The following FARP2 variants were observed in gnomAD, a reference collection of about 807,000 sequenced individuals.
FARP2 encodes the protein FERM, ARHGEF and pleckstrin domain-containing protein 2.
FARP2 carries 111 observed loss-of-function variants against 130.5 expected under a neutral mutation model. The observed-to-expected ratio is 0.85, with a 90% confidence interval of 0.73 to 1.00. The LOEUF is 1.00. FARP2 is among the 50% of genes least tolerant of loss of function. The pLI, the probability that FARP2 is intolerant of heterozygous loss-of-function variation, is 0.00. For missense variants in FARP2, 1,385 were observed against 1,346.3 expected, an observed-to-expected ratio of 1.03 and a Z score of -0.45; for synonymous variants, 504 against 516.9, an observed-to-expected ratio of 0.98 and a Z score of 0.34.
At chr2:241,434,878 G>T in intron 10 of FARP2, 84 bp from the exon 11 acceptor site, 1 of 843,514 alleles carries the variant, frequency 1.2e-6, no homozygotes, top group South Asian at 1.5e-5. Context: ...GAGAGGATGG[G>T]TAAATCTTTT....
chr2:241,435,027 A>T lies in FARP2; in HGVS notation c.1097A>T (p.Glu366Val), dbSNP rs769749151. 1 of 1,576,476 alleles carries T rather than the reference A, an allele frequency of 6.3e-7. No individual in the cohort carries two copies. Among genetic ancestry groups the T allele is most frequent in the East Asian group, 2.3e-5 (1 of 44,420 alleles). Residue 366 changes from glutamate to valine, a missense_variant, in exon 11 of 27, where the codon GAA becomes GTA. Transcript: ENST00000264042. ...AGTGGAATGAAGAGAATTCCATATG[A>T]AAGGTAAGCTCTGGCCTTTATGATG... is the stretch of plus-strand genomic sequence containing the variant. ...KDSGMKRIPYERRHSKTHTSV... is the reference protein window; with the variant it reads ...KDSGMKRIPYVRRHSKTHTSV...
chr2:241,492,286 CCT>C (rs1311062629), intron 24 of FARP2, among the ~76,000 whole-genome samples: 1 of 152,246 alleles, frequency 6.6e-6, no homozygotes, highest in Non-Finnish European at 1.5e-5. Flanking sequence ...GAGCCTCTCC[CCT>C]GATGACCCTG....
At chr2:241,419,825 A>T (rs940936003) in intron 8 of FARP2, among the ~76,000 whole-genome samples, 1 of 152,192 alleles carries the variant, frequency 6.6e-6, no homozygotes, top group African/African-American at 2.4e-5. Flanking sequence ...CTTGTTTGTG[A>T]TAGTAAAATT....
At chr2:241,389,451 C>T (rs1010360028) in intron 2 of FARP2, among the ~76,000 whole-genome samples, 1 of 152,194 alleles carries the variant, frequency 6.6e-6, no homozygotes, top group Admixed American at 6.5e-5. Flanking sequence ...TATCTACTGC[C>T]AGCTTGACTG....
rs1283091430 is a variant in FARP2 at position 241,434,187 on chromosome 2, G to GTAGTAGAA, written c.898_899insAGTAGAAT (p.Leu300Ter). The GTAGTAGAA allele has an allele frequency of 6.2e-7, 1 of 1,611,816 alleles. No homozygotes were observed. The highest frequency in any genetic ancestry group is 2.2e-5 in the East Asian group (1 of 44,830). On this transcript the variant is annotated stop_gained and frameshift_variant, in exon 10 of 27. Coordinates refer to ENST00000264042, the MANE Select transcript of FARP2 (RefSeq NM_014808.4). LOFTEE classifies it high-confidence loss of function. ...CTTACCAGGACACATTAGAATTTTT[G>GTAGTAGAA]TTGGGTAGTAGAGATGAATGTAAGA... is the stretch of plus-strand genomic sequence containing the variant.
chr2:241,390,030 TCTCTTCCCATCCTTG>T (rs1284072273), intron 2 of FARP2, among the ~76,000 whole-genome samples: 1 of 152,170 alleles, frequency 6.6e-6, no homozygotes, highest in Non-Finnish European at 1.5e-5. Context: ...GCTACCCAGG[TCTCTTCCCATCCTTG>T]CTCTTACAAG....
rs2064628835 is a variant in FARP2, at chr2:241,482,034, G to C, written c.2263-1431G>C. Among the ~76,000 whole-genome samples, 2 of 152,212 alleles carry C rather than the reference G, an allele frequency of 1.3e-5. No individual in the cohort carries two copies. The highest frequency in any genetic ancestry group is 4.1e-4 in the South Asian group (2 of 4,834). On this transcript the variant is annotated intron_variant, in intron 19 of 26. Transcript: ENST00000264042. The surrounding 1 kb of genome is among the most constrained non-coding windows in gnomAD (Gnocchi z 4.6). ...AGCCCAGAATTTCTTGTCTTCCTGA[G>C]TTAAATATGTGTGTCAGTCAACAGA...
intron 26 of FARP2, 50 bp downstream of exon 26, chr2:241,493,494 T>C (rs777171524): frequency 6.3e-7 from 1 of 1,575,450 alleles, no homozygotes; most frequent in Non-Finnish European, 8.7e-7. Flanking sequence ...CGATGTCCGC[T>C]CAGCTCCCAT....
At chr2:241,383,197 C>A (rs950632308) in intron 2 of FARP2, among the ~76,000 whole-genome samples, 3 of 152,232 alleles carry the variant, frequency 2.0e-5, no homozygotes, top group Non-Finnish European at 4.4e-5. Flanking sequence ...CCAAAGTGAA[C>A]GTAGCAGACA....
At chr2:241,366,102 A>T (rs368151978) in intron 1 of FARP2, among the ~76,000 whole-genome samples, 8,634 of 34,602 alleles carry the variant, frequency 0.25, 944 homozygotes, top group African/African-American at 0.44. Context: ...TAAAAAAAAA[A>T]AAATATATAT....
At chr2:241,432,296 T>TA (rs2063112897) in intron 9 of FARP2, 1 of 152,424 alleles carries the variant, frequency 6.6e-6, no homozygotes, top group African/African-American at 2.4e-5. Flanking sequence ...GTCTCACACT[T>TA]ACCTCCCCCA....
intron 20 of FARP2, 181 bp from the exon 21 acceptor site, chr2:241,484,061 C>A: frequency 1.4e-6 from 2 of 1,395,072 alleles, no homozygotes; most frequent in Non-Finnish European, 1.9e-6. Flanking sequence ...TTCCTGTGGC[C>A]CTTTCCTGCC....
chr2:241,401,035 A>G (rs1397123972), intron 2 of FARP2, among the ~76,000 whole-genome samples: 2 of 152,344 alleles, frequency 1.3e-5, no homozygotes, highest in East Asian at 3.9e-4. Context: ...TGTCAGAGCA[A>G]GTTCAACACA....
intron 9 of FARP2, 105 bp from the exon 10 acceptor site, chr2:241,434,053 T>C: frequency 1.1e-6 from 1 of 912,592 alleles, no homozygotes; most frequent in Non-Finnish European, 1.7e-6. Context: ...ACCTTACTGA[T>C]TTTTAATTTT....
In FARP2 at chr2:241,494,365, G is replaced by A. The variant is rs555129635; in HGVS notation, c.*240G>A. On this transcript the variant is annotated 3_prime_UTR_variant, in exon 27 of 27. Transcript: ENST00000264042. The surrounding 1 kb of genome is among the most constrained non-coding windows in gnomAD (Gnocchi z 4.9). ...GGAAAAATGTGCGAGTCTTGAGCGC[G>A]GAGCCGCTCAAGCCACAGCTCCCAG... The A allele has an allele frequency of 1.7e-4, 57 of 330,220 alleles. No homozygotes were observed. The highest frequency in any genetic ancestry group is 7.7e-4 in the African/African-American group (36 of 46,996). 20.5% of individuals were successfully genotyped at this position (330,220 alleles called of 1,614,324 possible).
At chr2:241,361,951 G>C (rs2150279820) in intron 1 of FARP2, among the ~76,000 whole-genome samples, 1 of 151,728 alleles carries the variant, frequency 6.6e-6, no homozygotes. Context: ...CTGGAGTGCA[G>C]TGGTGCAATC....
intron 20 of FARP2, 78 bp downstream of exon 20, chr2:241,483,611 G>A: frequency 6.8e-7 from 1 of 1,476,422 alleles, no homozygotes; most frequent in Non-Finnish European, 9.4e-7. Flanking sequence ...ATCGCCTGCA[G>A]CGGCAGCCCA....
At chr2:241,379,274 A>C (rs566394097) in intron 2 of FARP2, among the ~76,000 whole-genome samples, 1 of 152,388 alleles carries the variant, frequency 6.6e-6, no homozygotes, top group South Asian at 2.1e-4. Context: ...TCTGAAAGTT[A>C]GTATTATGGA....
chr2:241,415,899 T>C (rs1659762897), intron 7 of FARP2, among the ~76,000 whole-genome samples: 1 of 151,910 alleles, frequency 6.6e-6, no homozygotes, highest in African/African-American at 2.4e-5. Flanking sequence ...ACACTGAAAG[T>C]GCAGTGAGGA....
Sources: gnomAD v4.1 joint callset for allele counts (sites outside exome capture counted in the v4.1 genomes callset) on GRCh38, gnomAD v4.1.1 for gene constraint, Gnocchi (gnomAD v3.1) non-coding constraint, MANE v1.5 for transcripts, NCBI Gene and HGNC (gene_info 2026-07-23, HGNC 2026-07-21) for gene names.